The following KIF5C variants were observed in gnomAD, a reference collection of about 807,000 sequenced individuals.
The protein encoded by KIF5C is kinesin heavy chain isoform 5C.
A neutral mutation model predicts 125.2 loss-of-function variants in KIF5C; 18 were observed. That is an observed-to-expected ratio of 0.14 (90% CI 0.10 to 0.21). KIF5C has a LOEUF of 0.21. KIF5C is among the 10% of genes least tolerant of loss of function. KIF5C has a pLI of 1.00. For synonymous variants in KIF5C, 405 were observed against 434.0 expected, an observed-to-expected ratio of 0.93 and a Z score of 0.83; for missense variants, 780 against 1,183.8, an observed-to-expected ratio of 0.66 and a Z score of 5.01.
chr2:148,997,419 C>T (rs762556449), intron 18 of KIF5C, 79 bp downstream of exon 18: 5 of 1,600,512 alleles, frequency 3.1e-6, no homozygotes, highest in Non-Finnish European at 3.4e-6. Flanking sequence ...CTAGGAAAAT[C>T]TGTCACCTTC....
At chr2:148,884,582 C>T (rs1681460153) in intron 1 of KIF5C, among the ~76,000 whole-genome samples, 1 of 152,156 alleles carries the variant, frequency 6.6e-6, no homozygotes, top group African/African-American at 2.4e-5. Flanking sequence ...CCTTTCTCTC[C>T]AACCTCACTA....
rs574983518 is a variant in KIF5C at position 148,964,215 on chromosome 2, C to T, written c.1117+2096C>T. The stretch of plus-strand genomic sequence containing the variant: ...GCTTGAACCCTGGAGGCGGAGGTTG[C>T]AGTGAGCCGAGAACCCACCATTGTA... On this transcript the variant is annotated intron_variant, in intron 11 of 25. Coordinates refer to ENST00000435030, the MANE Select transcript of KIF5C (RefSeq NM_004522.3). Among the ~76,000 whole-genome samples the T allele has an allele frequency of 2.0e-5, 3 of 150,774 alleles. No homozygotes were observed. In the East Asian group the frequency reaches 5.8e-4, roughly 29 times the overall value.
rs1191332455 is a variant in KIF5C at position 149,025,373 on chromosome 2, A to G, written c.*2303A>G. 1.3e-5 allele frequency: 2 copies of G among 152,676 alleles called. No individual in the cohort carries two copies. Among genetic ancestry groups the G allele is most frequent in the Non-Finnish European group, 2.9e-5 (2 of 68,034 alleles). 9.5% of individuals were successfully genotyped at this position (152,676 alleles called of 1,614,324 possible). On this transcript the variant is annotated 3_prime_UTR_variant, in exon 26 of 26. Transcript: ENST00000435030. ...AGTGTGACTAAAAGGGAGGCAAATT[A>G]TTGGAACGGATTATTCAAATGGATC...
chr2:149,011,757 C>G, intron 25 of KIF5C, 74 bp downstream of exon 25: 1 of 1,588,238 alleles, frequency 6.3e-7, no homozygotes, highest in Non-Finnish European at 8.6e-7. Context: ...CCCTGCCTGG[C>G]AGTGGACCTT....
chr2:148,942,527 G>T, intron 6 of KIF5C, 146 bp from the exon 7 acceptor site: 2 of 1,372,270 alleles, frequency 1.5e-6, no homozygotes, highest in Non-Finnish European at 9.9e-7. Context: ...CAAGCCCTGG[G>T]CAAGGAGGAA....
chr2:148,928,859 A>G (rs1233224176), intron 2 of KIF5C, among the ~76,000 whole-genome samples: 1 of 152,160 alleles, frequency 6.6e-6, no homozygotes, highest in Non-Finnish European at 1.5e-5. Flanking sequence ...GTTTAAACTG[A>G]CCCAGATTAA....
chr2:148,934,011 TACAG>T (rs1175122360), intron 3 of KIF5C, among the ~76,000 whole-genome samples: 1 of 146,728 alleles, frequency 6.8e-6, no homozygotes, highest in African/African-American at 2.5e-5. Context: ...ATCAGACACA[TACAG>T]ACATATACAT....
intron 10 of KIF5C, among the ~76,000 whole-genome samples, chr2:148,954,860 C>T (rs1682754829): frequency 6.6e-6 from 1 of 152,014 alleles, no homozygotes. Context: ...AGCATTTTGG[C>T]CAAGGCAGAC....
chr2:148,958,983 C>CAA (rs34226043), intron 10 of KIF5C, among the ~76,000 whole-genome samples: 1 of 137,464 alleles, frequency 7.3e-6, no homozygotes, highest in African/African-American at 2.7e-5. Context: ...GACTCTGTCT[C>CAA]AAAAAAAAAA....
At chr2:148,984,852 G>A (rs968928803) in intron 15 of KIF5C, among the ~76,000 whole-genome samples, 2 of 152,052 alleles carry the variant, frequency 1.3e-5, no homozygotes, top group African/African-American at 2.4e-5. Context: ...GTGCAGTGGC[G>A]CAATCTCAGC....
At chr2:148,942,817 C>T in intron 7 of KIF5C, 57 bp downstream of exon 7, 4 of 1,569,542 alleles carry the variant, frequency 2.5e-6, no homozygotes, top group East Asian at 4.7e-5. Flanking sequence ...TATCTGCCCA[C>T]CAACCGAGGG....
At chr2:148,882,141 G>A (rs908387205) in intron 1 of KIF5C, among the ~76,000 whole-genome samples, 2 of 152,142 alleles carry the variant, frequency 1.3e-5, no homozygotes, top group African/African-American at 2.4e-5. Flanking sequence ...TAGATTCACC[G>A]TGGCGTCTTC....
At chr2:148,975,843 T>G (rs1681047808) in intron 12 of KIF5C, among the ~76,000 whole-genome samples, 2 of 152,180 alleles carry the variant, frequency 1.3e-5, no homozygotes, top group African/African-American at 4.8e-5. Flanking sequence ...ATCATGGGGC[T>G]TATATCTGTT....
chr2:148,957,946 A>AAATGAAATCAC (rs1682837789), intron 10 of KIF5C, among the ~76,000 whole-genome samples: 1 of 151,074 alleles, frequency 6.6e-6, no homozygotes, highest in African/African-American at 2.5e-5. Flanking sequence ...AATTATTTGA[A>AAATGAAATCAC]AATGAAATCA....
At chr2:148,922,012 T>C in intron 1 of KIF5C, 125 bp from the exon 2 acceptor site, 1 of 573,332 alleles carries the variant, frequency 1.7e-6, no homozygotes, top group South Asian at 2.3e-5. Flanking sequence ...GGTAATGAAC[T>C]GCCTTAAAGA....
chr2:149,006,523 C>G (rs1291868931), intron 22 of KIF5C, among the ~76,000 whole-genome samples: 1 of 152,150 alleles, frequency 6.6e-6, no homozygotes, highest in Non-Finnish European at 1.5e-5. Context: ...GGAGACTAGA[C>G]ATGGTTCAGG....
At chr2:148,892,154 C>T (rs960669444) in intron 1 of KIF5C, among the ~76,000 whole-genome samples, 9 of 152,306 alleles carry the variant, frequency 5.9e-5, no homozygotes, top group African/African-American at 2.2e-4. Flanking sequence ...CTCCAGCATC[C>T]TTGCTTTTAA....
intron 4 of KIF5C, among the ~76,000 whole-genome samples, chr2:148,938,097 T>C (rs765653403): frequency 7.9e-5 from 12 of 152,180 alleles, no homozygotes; most frequent in Non-Finnish European, 1.8e-4. Flanking sequence ...TGTTAAATAA[T>C]CAAATTTGAT....
intron 7 of KIF5C, among the ~76,000 whole-genome samples, chr2:148,945,374 C>A (rs1340340044): frequency 1.3e-5 from 2 of 152,148 alleles, no homozygotes; most frequent in African/African-American, 4.8e-5. Flanking sequence ...GTTTTTCCAA[C>A]ACTATTTGTT....
Sources: allele counts gnomAD v4.1 joint callset (sites outside exome capture counted in the v4.1 genomes callset), GRCh38; gene constraint gnomAD v4.1.1; transcripts MANE v1.5; gene names NCBI Gene and HGNC (gene_info 2026-07-23, HGNC 2026-07-21).